Variants in FOXP1 observed in about 807,000 individuals in gnomAD.
FOXP1 encodes forkhead box P1.
A neutral mutation model predicts 98.2 loss-of-function variants in FOXP1; 15 were observed. The observed-to-expected ratio is 0.15, with a 90% CI of 0.10 to 0.24. FOXP1 has a LOEUF of 0.24. FOXP1 is among the 10% of genes least tolerant of loss of function. FOXP1 has a pLI of 1.00. For missense variants in FOXP1, 633 were observed against 848.5 expected (o/e 0.75, Z 3.15); for synonymous variants, 371 against 314.5 (o/e 1.18, Z -1.90).
At chr3:71,433,179 A>T (rs2084893390) in intron 3 of FOXP1, among the ~76,000 whole-genome samples, 1 of 152,222 alleles carries the variant, frequency 6.6e-6, no homozygotes, top group Non-Finnish European at 1.5e-5. Context: ...CATATGTAAG[A>T]CTTCAGCCAT....
intron 3 of FOXP1, among the ~76,000 whole-genome samples, chr3:71,424,364 C>T (rs182410940): frequency 1.3e-5 from 2 of 152,262 alleles, no homozygotes; most frequent in East Asian, 1.9e-4. Context: ...CTGGGTAGGG[C>T]GCCTTCCCTA....
intron 20 of FOXP1, among the ~76,000 whole-genome samples, chr3:70,962,220 C>CAT (rs1229708142): frequency 2.0e-5 from 3 of 152,138 alleles, no homozygotes; most frequent in African/African-American, 7.2e-5. Context: ...ACTGTGTTGA[C>CAT]ATATGTCAGT....
intron 2 of FOXP1, among the ~76,000 whole-genome samples, chr3:71,528,928 G>T (rs192354594): frequency 3.3e-5 from 5 of 152,300 alleles, no homozygotes; most frequent in Non-Finnish European, 5.9e-5. Flanking sequence ...TAGCGATCAT[G>T]AATGTTTAAC....
chr3:71,389,252 GCCGGGGGGGGC>G (rs1560413226), intron 3 of FOXP1, among the ~76,000 whole-genome samples: 18 of 7,798 alleles, frequency 2.3e-3, no homozygotes, highest in Non-Finnish European at 2.9e-3. Flanking sequence ...GGGGGGGGGG[GCCGGGGGGGGC>G]GGGTTATAAA....
At chr3:71,289,168 G>A (rs919038393) in intron 5 of FOXP1, among the ~76,000 whole-genome samples, 9 of 152,094 alleles carry the variant, frequency 5.9e-5, no homozygotes, top group Non-Finnish European at 1.2e-4. Context: ...AGCCTCCTGA[G>A]TAGCTGAGAT....
intron 3 of FOXP1, among the ~76,000 whole-genome samples, chr3:71,391,421 T>C (rs1367100516): frequency 6.6e-6 from 1 of 152,204 alleles, no homozygotes; most frequent in African/African-American, 2.4e-5. Flanking sequence ...CACAATCATA[T>C]AGCAAATTCT....
chr3:71,502,096 C>G (rs1244568310), intron 2 of FOXP1, among the ~76,000 whole-genome samples: 1 of 152,342 alleles, frequency 6.6e-6, no homozygotes, highest in Non-Finnish European at 1.5e-5. Context: ...TAACAAGTTG[C>G]TCTTTAAGAA....
At chr3:71,363,785 A>G (rs1466163764) in intron 3 of FOXP1, among the ~76,000 whole-genome samples, 1 of 152,206 alleles carries the variant, frequency 6.6e-6, no homozygotes, top group Non-Finnish European at 1.5e-5. Flanking sequence ...CCTTGTAGTT[A>G]GGTGGGGCCT....
chr3:70,972,103 A>G, intron 18 of FOXP1: 7 of 1,532,916 alleles, frequency 4.6e-6, no homozygotes, highest in Non-Finnish European at 6.1e-6. Context: ...CTTCATCATC[A>G]ACTGTCCAAA....
intron 3 of FOXP1, among the ~76,000 whole-genome samples, chr3:71,488,418 G>C (rs1214354075): frequency 6.6e-6 from 1 of 152,184 alleles, no homozygotes; most frequent in African/African-American, 2.4e-5. Context: ...GAACTGGGGT[G>C]GGGGTGTGGA....
chr3:71,523,722 G>C (rs1243883277), intron 2 of FOXP1, among the ~76,000 whole-genome samples: 1 of 151,976 alleles, frequency 6.6e-6, no homozygotes, highest in African/African-American at 2.4e-5. Flanking sequence ...TGTGTGAATG[G>C]GTAAAAGTGA....
intron 2 of FOXP1, among the ~76,000 whole-genome samples, chr3:71,502,081 A>G (rs141246900): frequency 6.6e-6 from 1 of 152,336 alleles, no homozygotes; most frequent in African/African-American, 2.4e-5. Context: ...TTGGCACCCT[A>G]TCTATAACAA....
intron 6 of FOXP1, among the ~76,000 whole-genome samples, chr3:71,127,650 G>C (rs1209045928): frequency 6.6e-6 from 1 of 152,182 alleles, no homozygotes; most frequent in African/African-American, 2.4e-5. Flanking sequence ...ATGATCTCTA[G>C]ATCACAGCGC....
chr3:71,281,432 G>A (rs1288821), intron 5 of FOXP1, among the ~76,000 whole-genome samples: 67,157 of 151,912 alleles, frequency 0.44, 15,309 homozygotes, highest in African/African-American at 0.52. Context: ...TCTGAGTGGT[G>A]AGAAAGCACC....
At chr3:70,982,154 G>A (rs1392036004) in intron 14 of FOXP1, among the ~76,000 whole-genome samples, 1 of 152,022 alleles carries the variant, frequency 6.6e-6, no homozygotes, top group Non-Finnish European at 1.5e-5. Flanking sequence ...AGGCCTCTTT[G>A]AAAAAAGAGT....
chr3:71,071,720 C>T (rs984832343), intron 7 of FOXP1, among the ~76,000 whole-genome samples: 2 of 152,002 alleles, frequency 1.3e-5, no homozygotes, highest in South Asian at 2.1e-4. Flanking sequence ...ATTACAGGCA[C>T]CTGCCACCAC....
At chr3:71,450,799 A>G (rs2086879377) in intron 3 of FOXP1, among the ~76,000 whole-genome samples, 1 of 87,638 alleles carries the variant, frequency 1.1e-5, no homozygotes, top group Non-Finnish European at 3.1e-5. Context: ...TTTTTTTTGA[A>G]GACCTAATTA....
At chr3:71,124,524 A>C (rs142028893) in intron 6 of FOXP1, among the ~76,000 whole-genome samples, 2,386 of 152,148 alleles carry the variant, frequency 0.016, 79 homozygotes, top group African/African-American at 0.055. Context: ...AGCCTATAGA[A>C]AAATGTTTCA....
intron 14 of FOXP1, among the ~76,000 whole-genome samples, chr3:70,984,217 A>G (rs1386462135): frequency 6.6e-6 from 1 of 152,184 alleles, no homozygotes; most frequent in Non-Finnish European, 1.5e-5. Flanking sequence ...TTATAAAATT[A>G]AAAGTTTGAA....
Sources: gnomAD v4.1 joint callset for allele counts (sites outside exome capture counted in the v4.1 genomes callset) on GRCh38, gnomAD v4.1.1 for gene constraint, MANE v1.5 for transcripts, NCBI Gene and HGNC (gene_info 2026-07-23, HGNC 2026-07-21) for gene names.